Variants in GLRA1 observed in about 807,000 individuals in gnomAD.
The protein encoded by GLRA1 is glycine receptor alpha 1, also known as glycine receptor subunit alpha-1.
A neutral mutation model predicts 48.3 loss-of-function variants in GLRA1; 37 were observed. The ratio of observed to expected loss-of-function variants is 0.77; its 90% CI spans 0.59 to 1.01. The LOEUF is 1.01. Ranked by LOEUF, GLRA1 falls within the 50% of genes least tolerant of loss-of-function variation. The pLI, the probability that GLRA1 is intolerant of heterozygous loss-of-function variation, is 0.00. For synonymous variants in GLRA1, 196 were observed against 210.7 expected (o/e 0.93, Z 0.60); for missense variants, 427 against 571.0 (o/e 0.75, Z 2.57).
At chr5:151,839,178 C>G (rs941837378) in intron 7 of GLRA1, among the ~76,000 whole-genome samples, 1 of 152,154 alleles carries the variant, frequency 6.6e-6, no homozygotes, top group African/African-American at 2.4e-5. Flanking sequence ...ATGAAAAATA[C>G]ATTTTTAGGT....
intron 7 of GLRA1, among the ~76,000 whole-genome samples, chr5:151,829,951 T>C (rs1373001931): frequency 6.6e-6 from 1 of 152,224 alleles, no homozygotes. Flanking sequence ...ATATACAACA[T>C]TCTGTTTATC....
intron 6 of GLRA1, among the ~76,000 whole-genome samples, chr5:151,854,425 ACCAATTGACTGACTTTCTTCTT>A (rs887192391): frequency 6.6e-6 from 1 of 152,144 alleles, no homozygotes; most frequent in Non-Finnish European, 1.5e-5. Flanking sequence ...CAGCTGTTAT[ACCAATTGACTGACTTTCTTCTT>A]CCATGCTTTT....
chr5:151,894,084 T>G (rs1202034742), intron 1 of GLRA1, among the ~76,000 whole-genome samples: 1 of 152,186 alleles, frequency 6.6e-6, no homozygotes, highest in South Asian at 2.1e-4. Flanking sequence ...TAAGCAGCAC[T>G]GACATGTGCT....
At chr5:151,862,178 G>A (rs1753224984) in intron 3 of GLRA1, among the ~76,000 whole-genome samples, 1 of 152,086 alleles carries the variant, frequency 6.6e-6, no homozygotes. Context: ...CAAGCAATGG[G>A]GAAAGGATTC....
intron 7 of GLRA1, among the ~76,000 whole-genome samples, chr5:151,842,524 G>A (rs1763737641): frequency 6.6e-6 from 1 of 152,132 alleles, no homozygotes; most frequent in Admixed American, 6.5e-5. Flanking sequence ...CTAAATAGAT[G>A]CAGAAACAGG....
chr5:151,855,412 C>G (rs992400235), intron 5 of GLRA1, among the ~76,000 whole-genome samples: 1 of 152,142 alleles, frequency 6.6e-6, no homozygotes, highest in African/African-American at 2.4e-5. Context: ...TCCTATTGTT[C>G]CCCCTCTCAC....
intron 1 of GLRA1, among the ~76,000 whole-genome samples, chr5:151,894,539 C>A (rs1430931065): frequency 6.6e-6 from 1 of 152,160 alleles, no homozygotes; most frequent in African/African-American, 2.4e-5. Context: ...TGTCTTCTTG[C>A]TCCTCCACCC....
At chr5:151,866,204 T>A (rs1406750133) in intron 3 of GLRA1, among the ~76,000 whole-genome samples, 1 of 152,202 alleles carries the variant, frequency 6.6e-6, no homozygotes, top group Non-Finnish European at 1.5e-5. Context: ...ATCCTGCCTC[T>A]CAGATTCCTT....
intron 3 of GLRA1, among the ~76,000 whole-genome samples, chr5:151,884,900 G>T (rs137940821): frequency 1.3e-5 from 2 of 152,154 alleles, no homozygotes; most frequent in African/African-American, 4.8e-5. Flanking sequence ...AAAGCAGAGG[G>T]GCTCATTAAG....
At chr5:151,855,007 G>A (rs1335077965) in intron 6 of GLRA1, 33 bp downstream of exon 6, 3 of 1,609,528 alleles carry the variant, frequency 1.9e-6, no homozygotes, top group East Asian at 4.5e-5. Flanking sequence ...TGGTTGGGGG[G>A]TGGGATCTGA....
intron 7 of GLRA1, 85 bp from the exon 8 acceptor site, chr5:151,829,152 G>A (rs912338120): frequency 1.1e-5 from 15 of 1,356,996 alleles, no homozygotes; most frequent in East Asian, 2.3e-5. Flanking sequence ...TCTGCTCTTC[G>A]GTAATTCCCC....
intron 3 of GLRA1, among the ~76,000 whole-genome samples, chr5:151,886,285 T>G (rs1341435444): frequency 2.6e-5 from 4 of 152,208 alleles, no homozygotes; most frequent in African/African-American, 7.2e-5. Flanking sequence ...AGATTCATTC[T>G]AAACTTTTTT....
chr5:151,916,153 G>A (rs572041315), intron 1 of GLRA1, among the ~76,000 whole-genome samples: 1 of 152,308 alleles, frequency 6.6e-6, no homozygotes, highest in South Asian at 2.1e-4. Flanking sequence ...GAGAATAACA[G>A]CATGGTTACC....
intron 7 of GLRA1, chr5:151,850,130 T>A (rs1338470580): frequency 6.2e-7 from 1 of 1,603,996 alleles, no homozygotes; most frequent in Non-Finnish European, 8.5e-7. Context: ...GGCCTTCCAA[T>A]GGCTTCCCAG....
At chr5:151,823,062 G>T (rs1207496697) in intron 8 of GLRA1, 99 bp from the exon 9 acceptor site, 3 of 1,077,058 alleles carry the variant, frequency 2.8e-6, no homozygotes, top group South Asian at 1.7e-5. Flanking sequence ...TGCCTATCTG[G>T]TTCTCCCTGC....
At chr5:151,830,607 G>T (rs1763398707) in intron 7 of GLRA1, among the ~76,000 whole-genome samples, 1 of 152,206 alleles carries the variant, frequency 6.6e-6, no homozygotes, top group Non-Finnish European at 1.5e-5. Flanking sequence ...AATGTTTAAG[G>T]TAGAGAGCCC....
intron 3 of GLRA1, among the ~76,000 whole-genome samples, chr5:151,860,480 A>G (rs879235874): frequency 6.6e-6 from 1 of 152,152 alleles, no homozygotes; most frequent in Non-Finnish European, 1.5e-5. Flanking sequence ...GTCTAGACAA[A>G]TTGAAGGAAT....
chr5:151,907,636 G>C (rs1354772312), intron 1 of GLRA1, among the ~76,000 whole-genome samples: 2 of 152,224 alleles, frequency 1.3e-5, no homozygotes, highest in East Asian at 3.8e-4. Context: ...ATATGCATTA[G>C]AGTTCAATCA....
chr5:151,837,581 G>C (rs187697030), intron 7 of GLRA1, among the ~76,000 whole-genome samples: 7 of 152,282 alleles, frequency 4.6e-5, no homozygotes, highest in African/African-American at 1.7e-4. Context: ...ACCAATGATA[G>C]ACTGATAAAG....
Sources: allele counts gnomAD v4.1 joint callset (sites outside exome capture counted in the v4.1 genomes callset), GRCh38; gene constraint gnomAD v4.1.1; transcripts MANE v1.5; gene names NCBI Gene and HGNC (gene_info 2026-07-23, HGNC 2026-07-21).